The following SDK1 variants were observed in gnomAD, a reference collection of about 807,000 sequenced individuals.
SDK1 encodes the protein sidekick cell adhesion molecule 1, also known as protein sidekick-1.
Under a neutral mutation model 245.5 loss-of-function variants are expected in SDK1, and 157 were observed. That is an observed-to-expected ratio of 0.64 (90% CI 0.56 to 0.73). The LOEUF is 0.73. SDK1 is among the 30% of genes least tolerant of loss of function. The probability of loss-of-function intolerance (pLI) is 0.00; values close to 1 mark genes in which losing one functional copy is unlikely to be tolerated. For missense variants in SDK1, 3,583 were observed against 3,002.3 expected (o/e 1.19, Z -4.52); for synonymous variants, 1,647 against 1,278.5 (o/e 1.29, Z -6.15).
chr7:3,358,277 C>T (rs1351223400), intron 1 of SDK1, among the ~76,000 whole-genome samples: 4 of 152,194 alleles, frequency 2.6e-5, no homozygotes, highest in African/African-American at 9.7e-5. Context: ...CCGTCTCAGC[C>T]TCCCAAAGTG....
chr7:3,418,999 TATATC>T (rs1236397613), intron 1 of SDK1, among the ~76,000 whole-genome samples: 1 of 152,208 alleles, frequency 6.6e-6, no homozygotes, highest in Non-Finnish European at 1.5e-5. Flanking sequence ...CAAAGAATGT[TATATC>T]AAAAGTCGTA....
chr7:3,852,417 T>G (rs907307731), intron 5 of SDK1, among the ~76,000 whole-genome samples: 1 of 151,920 alleles, frequency 6.6e-6, no homozygotes, highest in East Asian at 1.9e-4. Context: ...TTGCAAAAAA[T>G]GAGATTTAAA....
chr7:3,898,141 G>A (rs1781666650), intron 5 of SDK1, among the ~76,000 whole-genome samples: 1 of 152,184 alleles, frequency 6.6e-6, no homozygotes, highest in Non-Finnish European at 1.5e-5. Flanking sequence ...AGTTGAAGTG[G>A]CCTGAATAGA....
chr7:4,141,074 G>A (rs772522752), intron 28 of SDK1, among the ~76,000 whole-genome samples: 24 of 152,242 alleles, frequency 1.6e-4, no homozygotes, highest in Non-Finnish European at 2.9e-4. Flanking sequence ...TTCTGAGAGA[G>A]AGGCAAGGAC....
chr7:3,502,342 T>G (rs950382479), intron 1 of SDK1, among the ~76,000 whole-genome samples: 1 of 152,120 alleles, frequency 6.6e-6, no homozygotes, highest in African/African-American at 2.4e-5. Context: ...CTCTGCCTCC[T>G]GGGTTCAAGC....
At chr7:4,188,820 AT>A (rs1783031934) in intron 35 of SDK1, among the ~76,000 whole-genome samples, 2 of 152,132 alleles carry the variant, frequency 1.3e-5, no homozygotes, top group African/African-American at 4.8e-5. Flanking sequence ...TTGATTTTTA[AT>A]TGCTTTGTGG....
At chr7:3,950,868 G>C in intron 5 of SDK1, 55 bp from the exon 6 acceptor site, 5 of 1,346,822 alleles carry the variant, frequency 3.7e-6, no homozygotes, top group Non-Finnish European at 3.1e-6. Flanking sequence ...AGATAACGGC[G>C]GGGGGTGCTC....
intron 4 of SDK1, among the ~76,000 whole-genome samples, chr7:3,753,427 G>A (rs1779830703): frequency 6.6e-6 from 1 of 152,116 alleles, no homozygotes; most frequent in South Asian, 2.1e-4. Flanking sequence ...TACAAAACAA[G>A]AGAAGATCAT....
chr7:4,259,011 C>G (rs775038832), intron 44 of SDK1, among the ~76,000 whole-genome samples: 1 of 152,156 alleles, frequency 6.6e-6, no homozygotes, highest in Non-Finnish European at 1.5e-5. Flanking sequence ...AGTAACAAAC[C>G]CAATTCAGGG....
intron 1 of SDK1, among the ~76,000 whole-genome samples, chr7:3,515,817 A>T (rs930244180): frequency 4.6e-5 from 7 of 152,158 alleles, no homozygotes; most frequent in African/African-American, 1.4e-4. Flanking sequence ...GACATAAATC[A>T]CCTTATTTTG....
intron 1 of SDK1, among the ~76,000 whole-genome samples, chr7:3,414,310 G>T (rs145291916): frequency 6.6e-6 from 1 of 152,086 alleles, no homozygotes; most frequent in African/African-American, 2.4e-5. Context: ...TGACGGAATG[G>T]ACTGTTTGGC....
intron 14 of SDK1, among the ~76,000 whole-genome samples, chr7:4,007,325 T>A (rs1039625691): frequency 2.0e-5 from 3 of 151,946 alleles, no homozygotes; most frequent in African/African-American, 7.3e-5. Flanking sequence ...AAGGAGAGAT[T>A]ATGTAGGGTG....
chr7:3,465,602 C>G (rs898625120), intron 1 of SDK1, among the ~76,000 whole-genome samples: 8 of 152,110 alleles, frequency 5.3e-5, no homozygotes, highest in Non-Finnish European at 1.2e-4. Flanking sequence ...ATCAAGTCCC[C>G]TGTGTGCTGT....
intron 35 of SDK1, among the ~76,000 whole-genome samples, chr7:4,190,850 GC>G (rs951515975): frequency 1.3e-5 from 2 of 152,200 alleles, no homozygotes; most frequent in Non-Finnish European, 2.9e-5. Context: ...GGCAGACACA[GC>G]CCCCGAGGGA....
At chr7:3,340,766 C>CAAAAA (rs56932562) in intron 1 of SDK1, among the ~76,000 whole-genome samples, 8 of 125,384 alleles carry the variant, frequency 6.4e-5, no homozygotes, top group East Asian at 4.8e-4. Flanking sequence ...GACCCCGTCT[C>CAAAAA]AAAAAAAAAA....
intron 1 of SDK1, among the ~76,000 whole-genome samples, chr7:3,584,810 G>A (rs1780629905): frequency 6.6e-6 from 1 of 151,110 alleles, no homozygotes; most frequent in Non-Finnish European, 1.5e-5. Flanking sequence ...TTCAAGCTCC[G>A]CCTCCCGGGT....
rs114337297 is a variant in SDK1 at position 4,173,798 on chromosome 7, A to G, written c.4801-424A>G. Among the ~76,000 whole-genome samples the G allele has an allele frequency of 4.2e-3, 637 of 151,678 alleles. 3 individuals are homozygous for G. Among genetic ancestry groups the G allele is most frequent in the African/African-American group, 0.015 (612 of 41,432 alleles). Reference sequence around the variant, plus strand: ...GTACAGTACGGCAGCCACAGCCTGGATGGCCAGGGGAGTGAGGGAGGGTGG... The same window carrying G: ...GTACAGTACGGCAGCCACAGCCTGGGTGGCCAGGGGAGTGAGGGAGGGTGG... On this transcript the variant is annotated intron_variant, in intron 32 of 44. Transcript: ENST00000404826.
chr7:3,655,410 G>A (rs541463304), intron 4 of SDK1, among the ~76,000 whole-genome samples: 50 of 138,746 alleles, frequency 3.6e-4, no homozygotes, highest in Non-Finnish European at 6.2e-4. Context: ...TCCAGCCTGG[G>A]CAACAAGAGC....
chr7:4,065,863 G>C (rs1433666787), intron 19 of SDK1, among the ~76,000 whole-genome samples: 1 of 152,004 alleles, frequency 6.6e-6, no homozygotes, highest in Non-Finnish European at 1.5e-5. Context: ...AACCAGAACA[G>C]GGACTTTGCA....
Sources: allele counts gnomAD v4.1 joint callset (sites outside exome capture counted in the v4.1 genomes callset), GRCh38; gene constraint gnomAD v4.1.1; transcripts MANE v1.5; gene names NCBI Gene and HGNC (gene_info 2026-07-23, HGNC 2026-07-21).